The following SCN3B variants were observed in gnomAD, a reference collection of about 807,000 sequenced individuals.
SCN3B encodes sodium channel regulatory subunit beta-3.
Under a neutral mutation model 25.4 loss-of-function variants are expected in SCN3B, and 11 were observed. That is an observed-to-expected ratio of 0.43 (90% CI 0.27 to 0.72). The LOEUF (loss-of-function observed/expected upper bound fraction) is 0.72. SCN3B is among the 30% of genes least tolerant of loss of function. The pLI is 0.18. For missense variants in SCN3B, 218 were observed against 278.3 expected (o/e 0.78, Z 1.54); for synonymous variants, 109 against 110.7 (o/e 0.99, Z 0.09).
At position 123,646,019 on chromosome 11, in the gene SCN3B, G is replaced by A. The variant is rs186187485; in HGVS notation, c.56-269C>T. Among the ~76,000 whole-genome samples, 264 of 152,240 alleles carry A rather than the reference G, an allele frequency of 1.7e-3. 2 individuals are homozygous for A. The highest frequency in any genetic ancestry group is 5.3e-3 in the African/African-American group (221 of 41,552). On this transcript the variant is annotated intron_variant, in intron 2 of 6. Coordinates refer to ENST00000299333, the MANE Select transcript of SCN3B (RefSeq NM_001040151.2). Reference sequence around the variant, plus strand: ...CTGGAAGCAGTGGAGATGCAGCACCGTACATTATACTTGAGCCCTGCTCTC... The same window carrying A: ...CTGGAAGCAGTGGAGATGCAGCACCATACATTATACTTGAGCCCTGCTCTC...
chr11:123,638,098 G>T, intron 5 of SCN3B, 88 bp downstream of exon 5: 2 of 1,466,968 alleles, frequency 1.4e-6, no homozygotes, highest in Non-Finnish European at 1.9e-6. Context: ...GGTGGAGGAT[G>T]AATGTAAACT....
chr11:123,647,887 T>C lies in SCN3B; in HGVS notation c.56-2137A>G, dbSNP rs112248163. 3.3e-3 allele frequency among the ~76,000 whole-genome samples: 507 copies of C among 152,342 alleles called. 4 individuals are homozygous for C. The highest frequency in any genetic ancestry group is 0.018 in the South Asian group (86 of 4,830). On this transcript the variant is annotated intron_variant, in intron 2 of 6. Transcript: ENST00000299333. ...GTTTTCAACTCTCCAGCAAGCTGGG[T>C]GAGTCTTATCTGACAGTCTTCAAGA...
Position 123,653,874 on chromosome 11 carries a change from T to C in SCN3B, c.-25-48A>G, listed in dbSNP as rs533733885. On this transcript the variant is annotated intron_variant, in intron 1 of 6. Transcript: ENST00000299333. The stretch of plus-strand genomic sequence containing the variant: ...TCAAGGACTGCGCCCTCTCAGATTC[T>C]TTCGAGGAAACCCTTTGGGACGAAC... The C allele has an allele frequency of 3.2e-6, 5 of 1,557,010 alleles. No homozygotes were observed. The African/African-American group carries it at 5.4e-5, about 17-fold the overall frequency.
At chr11:123,647,466 A>G (rs1269010086) in intron 2 of SCN3B, among the ~76,000 whole-genome samples, 2 of 152,184 alleles carry the variant, frequency 1.3e-5, no homozygotes, top group African/African-American at 2.4e-5. Context: ...TGACAGAGTA[A>G]GACCCTATCT....
intron 2 of SCN3B, among the ~76,000 whole-genome samples, chr11:123,647,667 C>T (rs767611376): frequency 2.0e-5 from 3 of 152,128 alleles, no homozygotes; most frequent in South Asian, 2.1e-4. Context: ...CCTGGCAGAG[C>T]GTTCTTTCCT....
chr11:123,651,238 C>T (rs2137254227), intron 2 of SCN3B, among the ~76,000 whole-genome samples: 1 of 152,032 alleles, frequency 6.6e-6, no homozygotes, highest in South Asian at 2.1e-4. Flanking sequence ...AAGACTCTTT[C>T]CCTTCATATT....
rs539299625 is a variant in SCN3B at position 123,648,596 on chromosome 11, G to GA, written c.56-2847dup. ...CATTAAATAGTAAAAAGTGCTGTGA[G>GA]AAAAAATAAAACAGGAGAGAGTGTG... On this transcript the variant is annotated intron_variant, in intron 2 of 6. Coordinates refer to ENST00000299333, the MANE Select transcript of SCN3B (RefSeq NM_001040151.2). 1.1e-3 allele frequency among the ~76,000 whole-genome samples: 162 copies of GA among 150,920 alleles called. No individual in the cohort carries two copies. In the East Asian group the frequency reaches 0.016, roughly 15 times the overall value.
At chr11:123,636,651 C>G (rs1056704520) in intron 5 of SCN3B, among the ~76,000 whole-genome samples, 1 of 151,798 alleles carries the variant, frequency 6.6e-6, no homozygotes, top group African/African-American at 2.4e-5. Flanking sequence ...CTCCCTCAGC[C>G]GTTCTGTCTC....
intron 2 of SCN3B, among the ~76,000 whole-genome samples, chr11:123,653,531 G>T (rs1337635915): frequency 6.6e-6 from 1 of 152,138 alleles, no homozygotes; most frequent in African/African-American, 2.4e-5. Flanking sequence ...AACCACCAAA[G>T]GAGGTTGGAG....
chr11:123,648,110 G>A (rs570161408), intron 2 of SCN3B, among the ~76,000 whole-genome samples: 3 of 152,330 alleles, frequency 2.0e-5, no homozygotes, highest in Non-Finnish European at 2.9e-5. Flanking sequence ...CAAGAACTCC[G>A]TGTAGTATGG....
rs1218089290 is a variant in SCN3B, at chr11:123,638,536, C to A, written c.446-212G>T. ...GAGCCAGGGAAGAGGGAGTGGGATG[C>A]CTGGAAGAAGTAGCCGAGCAGTGGA... On this transcript the variant is annotated intron_variant, in intron 4 of 6. Coordinates refer to ENST00000299333, the MANE Select transcript of SCN3B (RefSeq NM_001040151.2). 4.9e-6 allele frequency: 3 copies of A among 615,974 alleles called. No individual in the cohort carries two copies. The African/African-American group carries it at 5.5e-5, about 11-fold the overall frequency. The allele number at this position is 615,974 out of a possible 1,614,324, so 38.2% of individuals were successfully genotyped here.
chr11:123,642,391 C>A lies in SCN3B; in HGVS notation c.445+55G>T. On this transcript the variant is annotated intron_variant, in intron 4 of 6. Coordinates refer to ENST00000299333, the MANE Select transcript of SCN3B (RefSeq NM_001040151.2). This position sits in a 1 kb window ranked among gnomAD's most constrained non-coding sequence, Gnocchi z 4.3. ...CACTCGTGGAAAACTGCTGTCCTAC[C>A]CTTCCCTGTCCACAGAGAGCAGGAC... is the stretch of plus-strand genomic sequence containing the variant. 1 of 1,554,474 alleles carries A rather than the reference C, an allele frequency of 6.4e-7. No homozygotes were observed. Among genetic ancestry groups the A allele is most frequent in the Non-Finnish European group, 8.9e-7 (1 of 1,126,062 alleles).
chr11:123,649,489 C>G (rs1025715084), intron 2 of SCN3B, among the ~76,000 whole-genome samples: 1 of 152,162 alleles, frequency 6.6e-6, no homozygotes, highest in Non-Finnish European at 1.5e-5. Flanking sequence ...AAAGTTCCCC[C>G]ACCTCTGTTT....
intron 4 of SCN3B, 116 bp from the exon 5 acceptor site, chr11:123,638,440 A>G: frequency 7.2e-7 from 1 of 1,390,456 alleles, no homozygotes; most frequent in Non-Finnish European, 9.9e-7. Flanking sequence ...ACTCAAGAAG[A>G]TGTCAAAGGT....
rs371050389 is a variant in SCN3B at position 123,642,631 on chromosome 11, G to C, written c.260C>G (p.Pro87Arg). The C allele has an allele frequency of 1.1e-5, 18 of 1,614,048 alleles. No homozygotes were observed. Among genetic ancestry groups the C allele is most frequent in the Non-Finnish European group, 1.4e-5 (17 of 1,180,048 alleles). Residue 87 changes from proline to arginine, a missense_variant, in exon 4 of 7, where the codon CCC becomes CGC. Transcript: ENST00000299333. The surrounding 1 kb of genome is among the most constrained non-coding windows in gnomAD (Gnocchi z 4.3). ...ATTCCACTGCAGGCGCCCCTGAAAG[G>C]GGCTCTCCACCTCCTGGTGGCCATT... ...YRNGHQEVESPFQGRLQWNGS... is the reference protein window; with the variant it reads ...YRNGHQEVESRFQGRLQWNGS...
Position 123,645,700 on chromosome 11 carries a change from C to T in SCN3B, c.106G>A (p.Val36Met), listed in dbSNP as rs147803210. The T allele has an allele frequency of 2.3e-5, 37 of 1,614,148 alleles. No homozygotes were observed. The highest frequency in any genetic ancestry group is 1.0e-4 in the Admixed American group (6 of 60,022). Residue 36 changes from valine (V) to methionine (M), a missense_variant, in exon 3 of 7, where the codon GTG becomes ATG. Transcript: ENST00000299333. ...CGCAGCTTCATGGGGTTGCCCTGCACGGCCTCCGTCTCCGAGGGCACTTCC... is the reference window on the plus strand; with the variant it reads ...CGCAGCTTCATGGGGTTGCCCTGCATGGCCTCCGTCTCCGAGGGCACTTCC... ...CVEVPSETEA[V>M]QGNPMKLRCI...
rs1223281609 is a variant in SCN3B at position 123,632,773 on chromosome 11, G to A, written c.*1026C>T. ...ACTGCACTCTAGCCTAGGTGACAGA[G>A]TGAGACTCCATCTCAAACAAAAAAA... is the stretch of plus-strand genomic sequence containing the variant. On this transcript the variant is annotated 3_prime_UTR_variant, in exon 7 of 7. Transcript: ENST00000299333. 6.6e-6 allele frequency: 1 copy of A among 152,300 alleles called. No individual in the cohort carries two copies. The highest frequency in any genetic ancestry group is 1.5e-5 in the Non-Finnish European group (1 of 68,192). The allele number at this position is 152,300 out of a possible 1,614,324, so 9.4% of individuals were successfully genotyped here. A position where few individuals can be genotyped will look rare whatever the true frequency, so the allele number is the denominator to read the frequency against.
chr11:123,642,889 G>A lies in SCN3B; in HGVS notation c.220-218C>T, dbSNP rs1256024035. Among the ~76,000 whole-genome samples, 2 of 152,084 alleles carry A rather than the reference G, an allele frequency of 1.3e-5. No individual in the cohort carries two copies. Among genetic ancestry groups the A allele is most frequent in the Non-Finnish European group, 2.9e-5 (2 of 68,006 alleles). On this transcript the variant is annotated intron_variant, in intron 3 of 6. Coordinates refer to ENST00000299333, the MANE Select transcript of SCN3B (RefSeq NM_001040151.2). This position sits in a 1 kb window ranked among gnomAD's most constrained non-coding sequence, Gnocchi z 4.3. Reference sequence around the variant, plus strand: ...AGACAGGGAAGGACAGGCAGAGGCAGCAGGCATCAGGGCATGTGGACGTGG... The same window carrying A: ...AGACAGGGAAGGACAGGCAGAGGCAACAGGCATCAGGGCATGTGGACGTGG...
rs1204447155 is a variant in SCN3B at position 123,630,196 on chromosome 11, A to G, written c.*3603T>C. On this transcript the variant is annotated 3_prime_UTR_variant, in exon 7 of 7. Transcript: ENST00000299333. ...AGAAACTAAAAGGTCATGCCGTTAAACAAGTGGTGAGAATAAAGGCTGGGG... is the reference window on the plus strand; with the variant it reads ...AGAAACTAAAAGGTCATGCCGTTAAGCAAGTGGTGAGAATAAAGGCTGGGG... 6.6e-6 allele frequency: 1 copy of G among 152,596 alleles called. No homozygotes were observed. Among genetic ancestry groups the G allele is most frequent in the African/African-American group, 2.4e-5 (1 of 41,456 alleles). The allele number at this position is 152,596 out of a possible 1,614,324, so 9.5% of individuals were successfully genotyped here.
Sources: allele counts gnomAD v4.1 joint callset (sites outside exome capture counted in the v4.1 genomes callset), GRCh38; gene constraint gnomAD v4.1.1; non-coding constraint Gnocchi (gnomAD v3.1); transcripts MANE v1.5; gene names NCBI Gene and HGNC (gene_info 2026-07-23, HGNC 2026-07-21).